WASHC2C: variants seen among roughly 807,000 people sequenced by gnomAD.
The protein encoded by WASHC2C is WASH complex subunit 2C, also known as Vaccinia Penetration Factor.
In WASHC2C, 73 loss-of-function variants were observed where a neutral mutation model predicts 142.2. The observed-to-expected ratio is 0.51, with a 90% CI of 0.43 to 0.62. WASHC2C has a LOEUF of 0.62. Among genes scored for constraint, WASHC2C ranks in the 20% least tolerant of loss-of-function variants. WASHC2C has a pLI of 0.00. For missense variants in WASHC2C, 969 were observed against 1,531.7 expected (o/e 0.63, Z 6.13); for synonymous variants, 337 against 565.5 (o/e 0.60, Z 5.73).
chr10:45,737,043 A>G (rs868965166), intron 3 of WASHC2C, among the ~76,000 whole-genome samples: 43 of 151,866 alleles, frequency 2.8e-4, no homozygotes, highest in African/African-American at 9.2e-4. Flanking sequence ...CAGTGGTGCA[A>G]TCAGGGCTCA....
chr10:45,739,385 C>T (rs1554866319), intron 4 of WASHC2C, among the ~76,000 whole-genome samples: 2 of 143,062 alleles, frequency 1.4e-5, no homozygotes, highest in East Asian at 4.1e-4. Flanking sequence ...AAATATTTTT[C>T]GGTATTTCTC....
intron 4 of WASHC2C, among the ~76,000 whole-genome samples, chr10:45,738,755 A>G (rs2134221242): frequency 6.6e-6 from 1 of 152,238 alleles, no homozygotes; most frequent in African/African-American, 2.4e-5. Context: ...CCCAGGCTGG[A>G]GTGCAGTGGC....
At chr10:45,753,727 G>T (rs1433658787) in intron 13 of WASHC2C, among the ~76,000 whole-genome samples, 2 of 142,506 alleles carry the variant, frequency 1.4e-5, no homozygotes, top group Non-Finnish European at 3.0e-5. Flanking sequence ...ATCCTCAAGT[G>T]ATCACCCGCC....
Position 45,765,337 on chromosome 10 carries a change from G to A in WASHC2C, c.1738-342G>A, listed in dbSNP as rs562107085. Among the ~76,000 whole-genome samples the A allele has an allele frequency of 2.6e-4, 40 of 151,372 alleles. 1 individual carries two copies. The highest frequency in any genetic ancestry group is 2.3e-3 in the Admixed American group (35 of 15,168). On this transcript the variant is annotated intron_variant, in intron 18 of 30. Coordinates refer to ENST00000623400, the MANE Select transcript of WASHC2C (RefSeq NM_001330074.2). ...TGCTGCGGGGGCTCCCGTGCCCATC[G>A]CAGGCTGTAACCACCTGAAATGAGC...
intron 28 of WASHC2C, 115 bp from the exon 29 acceptor site, chr10:45,788,756 T>G (rs1204705251): frequency 1.3e-6 from 2 of 1,533,324 alleles, no homozygotes; most frequent in Non-Finnish European, 1.8e-6. Context: ...GATAATATCT[T>G]CATTGAAGTA....
At chr10:45,736,586 C>G (rs1206383073) in intron 3 of WASHC2C, among the ~76,000 whole-genome samples, 2 of 151,716 alleles carry the variant, frequency 1.3e-5, no homozygotes. Context: ...GGTGACAGAG[C>G]TAGACTCTGT....
At position 45,789,121 on chromosome 10, in the gene WASHC2C, C is replaced by G. The variant is rs2805246; in HGVS notation, c.3338C>G (p.Thr1113Arg). 4 of 1,611,954 alleles carry G rather than the reference C, an allele frequency of 2.5e-6. No homozygotes were observed. Among genetic ancestry groups the G allele is most frequent in the Admixed American group, 3.3e-5 (2 of 60,006 alleles). ...WEGGPVPGVD[T>R]SPFAKSLGHS... is the part of the protein sequence containing the mutation. Reference sequence around the variant, plus strand: ...GGTGGTCCTGTGCCTGGAGTGGACACAAGCCCCTTTGCAAAGTCTCTGGGT... The same window carrying G: ...GGTGGTCCTGTGCCTGGAGTGGACAGAAGCCCCTTTGCAAAGTCTCTGGGT... The change falls in exon 29 of 31, where the codon ACA becomes AGA. Residue 1113 changes from threonine (T) to arginine (R), a missense_variant. Transcript: ENST00000623400.
intron 20 of WASHC2C, chr10:45,771,569 C>G: frequency 1.0e-6 from 1 of 981,610 alleles, no homozygotes; most frequent in Non-Finnish European, 1.2e-6. Context: ...GCAGTCTGAA[C>G]CCCATCTTGT....
At chr10:45,745,880 A>C in intron 7 of WASHC2C, among the ~76,000 whole-genome samples, 1 of 146,954 alleles carries the variant, frequency 6.8e-6, no homozygotes, top group African/African-American at 2.5e-5. Context: ...TTAACTCGTC[A>C]TCTAGCATTA....
At chr10:45,747,590 A>G (rs1467009575) in intron 8 of WASHC2C, among the ~76,000 whole-genome samples, 27 of 150,998 alleles carry the variant, frequency 1.8e-4, no homozygotes, top group Admixed American at 1.4e-3. Flanking sequence ...TGTATTCAAT[A>G]TTTTCTTTTC....
intron 15 of WASHC2C, among the ~76,000 whole-genome samples, chr10:45,756,779 A>T (rs559426658): frequency 6.6e-6 from 1 of 152,272 alleles, no homozygotes; most frequent in Admixed American, 6.5e-5. Context: ...TTGGATAAGC[A>T]TGTCAGCCAC....
chr10:45,772,786 A>G (rs547598459), intron 20 of WASHC2C, among the ~76,000 whole-genome samples: 2 of 152,334 alleles, frequency 1.3e-5, no homozygotes, highest in African/African-American at 2.4e-5. Flanking sequence ...TTATGTCTCG[A>G]TAACGCTACT....
Position 45,792,315 on chromosome 10 carries a change from C to T in WASHC2C, c.3941C>T (p.Ser1314Phe). The T allele has an allele frequency of 6.4e-7, 1 of 1,560,874 alleles. No homozygotes were observed. Among genetic ancestry groups the T allele is most frequent in the Non-Finnish European group, 8.7e-7 (1 of 1,146,288 alleles). The change falls in exon 31 of 31, where the codon TCT (serine) becomes TTT (phenylalanine). Residue 1314 changes from serine to phenylalanine, a missense_variant. Transcript: ENST00000623400. ...QAKTTKPKSR[S>F]AQAAPEPRFE... ...AAGACAACCAAACCAAAAAGCCGAT[C>T]TGCACAGGCCGCACCTGAACCAAGA...
chr10:45,739,281 C>T (rs1226236291), intron 4 of WASHC2C, among the ~76,000 whole-genome samples: 1 of 149,032 alleles, frequency 6.7e-6, no homozygotes, highest in East Asian at 2.0e-4. Flanking sequence ...CTAAAATGCT[C>T]GTAGGGTTTT....
At chr10:45,727,132 A>G (rs2049937952), upstream of WASHC2C, 13 of 1,425,002 alleles carry the variant, frequency 9.1e-6, no homozygotes, top group Non-Finnish European at 1.2e-5. Context: ...CTCCAGTCCC[A>G]GTCCACTTCC....
At chr10:45,727,393 C>G in intron 1 of WASHC2C, 24 bp from the exon 2 acceptor site, 1 of 1,610,612 alleles carries the variant, frequency 6.2e-7, no homozygotes, top group East Asian at 2.2e-5. Context: ...GGCTCAGCCT[C>G]TCTTCTCGTT....
intron 20 of WASHC2C, among the ~76,000 whole-genome samples, chr10:45,770,755 T>C (rs2135386040): frequency 6.6e-6 from 1 of 152,330 alleles, no homozygotes; most frequent in Non-Finnish European, 1.5e-5. Context: ...AAAGTTGATA[T>C]TAAATTCTGA....
chr10:45,762,511 A>T (rs1320525880), intron 17 of WASHC2C, among the ~76,000 whole-genome samples: 1 of 152,228 alleles, frequency 6.6e-6, no homozygotes, highest in Non-Finnish European at 1.5e-5. Flanking sequence ...TTTCTTTAGA[A>T]TCTATCAGGT....
At chr10:45,739,260 G>A (rs2134232021) in intron 4 of WASHC2C, among the ~76,000 whole-genome samples, 1 of 148,870 alleles carries the variant, frequency 6.7e-6, no homozygotes. Flanking sequence ...TTCAGTACTT[G>A]AGATAAAAGA....
Sources: gnomAD v4.1 joint callset for allele counts (sites outside exome capture counted in the v4.1 genomes callset) on GRCh38, gnomAD v4.1.1 for gene constraint, MANE v1.5 for transcripts, NCBI Gene and HGNC (gene_info 2026-07-23, HGNC 2026-07-21) for gene names.